The following ANKRD54 variants were observed in gnomAD, a reference collection of about 807,000 sequenced individuals.
ANKRD54 encodes ankyrin repeat domain 54, also known as ankyrin repeat domain-containing protein 54.
ANKRD54 carries 26 observed loss-of-function variants against 36.2 expected under a neutral mutation model. The ratio of observed to expected loss-of-function variants is 0.72; its 90% confidence interval spans 0.53 to 1.00. The LOEUF (loss-of-function observed/expected upper bound fraction) is 1.00, where lower values mean the gene tolerates loss of function less well. Among genes scored for constraint, ANKRD54 ranks in the 50% least tolerant of loss-of-function variants. The probability of loss-of-function intolerance (pLI) is 0.00; values close to 1 mark genes in which losing one functional copy is unlikely to be tolerated. For synonymous variants in ANKRD54, 209 were observed against 188.4 expected, an observed-to-expected ratio of 1.11 and a Z score of -0.89; for missense variants, 384 against 424.3, an observed-to-expected ratio of 0.91 and a Z score of 0.83.
upstream of ANKRD54, among the ~76,000 whole-genome samples, chr22:37,847,144 C>T (rs371157860): frequency 6.9e-4 from 102 of 148,562 alleles, no homozygotes; most frequent in African/African-American, 2.5e-3. Flanking sequence ...TGAGCCACCG[C>T]GCCCGGCCAA....
At chr22:37,838,396 C>T (rs1212680705) in intron 3 of ANKRD54, 104 bp downstream of exon 3, 1 of 1,131,158 alleles carries the variant, frequency 8.8e-7, no homozygotes, top group Non-Finnish European at 1.2e-6. Flanking sequence ...ATATCCAGAA[C>T]AACTGGGCAT....
rs532145481 is a variant in ANKRD54 at position 37,843,818 on chromosome 22, G to A, written c.328+93C>T. ...GTCGGGGGACCCCGGCTGAGGGTCG[G>A]GGGCGACCAAAGCGCGGCCACTGGT... On this transcript the variant is annotated intron_variant, in intron 1 of 7. Transcript: ENST00000215941. 3.0e-3 allele frequency: 2,926 copies of A among 969,018 alleles called. 3 individuals carry two copies. Among genetic ancestry groups the A allele is most frequent in the South Asian group, 3.6e-3 (70 of 19,482 alleles). 60.0% of individuals were successfully genotyped at this position (969,018 alleles called of 1,614,324 possible). A position where few individuals can be genotyped will look rare whatever the true frequency, so the allele number is the denominator to read the frequency against.
At chr22:37,841,942 T>C (rs1382915589) in intron 1 of ANKRD54, among the ~76,000 whole-genome samples, 1 of 151,120 alleles carries the variant, frequency 6.6e-6, no homozygotes, top group Non-Finnish European at 1.5e-5. Flanking sequence ...TGCATGCCTG[T>C]AATCCCAGCT....
chr22:37,834,390 A>G (rs758952111), intron 3 of ANKRD54: 1 of 152,300 alleles, frequency 6.6e-6, no homozygotes, highest in Admixed American at 6.5e-5. Flanking sequence ...GGTCACAAAA[A>G]TACTAACCAT....
chr22:37,848,005 G>A (rs1284348294), upstream of ANKRD54, among the ~76,000 whole-genome samples: 1 of 152,170 alleles, frequency 6.6e-6, no homozygotes. Context: ...GGATAACAGT[G>A]AGTGCAAAAT....
chr22:37,835,969 GA>G lies in ANKRD54; in HGVS notation c.476-2215del, dbSNP rs958283967. ...ATTCTCCTGCCTCAGCGAGTAGCTG[GA>G]ACTACAGGCACCCGCCACCACACCC... On this transcript the variant is annotated intron_variant, in intron 3 of 7. Transcript: ENST00000215941. 1.3e-4 allele frequency among the ~76,000 whole-genome samples: 20 copies of G among 151,910 alleles called. 1 individual carries two copies. Among genetic ancestry groups the G allele is most frequent in the African/African-American group, 4.3e-4 (18 of 41,386 alleles).
chr22:37,838,630 G>A (rs754582950), intron 2 of ANKRD54, 32 bp from the exon 3 acceptor site: 2 of 1,589,620 alleles, frequency 1.3e-6, no homozygotes, highest in Admixed American at 1.7e-5. Context: ...GAGGAAGGGG[G>A]AGAAAGCGGC....
chr22:37,841,114 G>C (rs933395483), intron 1 of ANKRD54, among the ~76,000 whole-genome samples: 2 of 150,012 alleles, frequency 1.3e-5, no homozygotes, highest in African/African-American at 4.9e-5. Flanking sequence ...CACAATGGCT[G>C]GGCGCAGTGG....
chr22:37,833,611 G>A, intron 4 of ANKRD54, 73 bp downstream of exon 4: 2 of 1,530,872 alleles, frequency 1.3e-6, no homozygotes, highest in Non-Finnish European at 1.8e-6. Flanking sequence ...AGCATGCCGG[G>A]CCCCACCCTC....
chr22:37,836,906 A>G (rs1923618807), intron 3 of ANKRD54, among the ~76,000 whole-genome samples: 1 of 151,618 alleles, frequency 6.6e-6, no homozygotes, highest in Admixed American at 6.6e-5. Flanking sequence ...ATGCGTGCCT[A>G]TAATCCCAGC....
At chr22:37,839,064 G>A (rs1317910956) in intron 2 of ANKRD54, among the ~76,000 whole-genome samples, 3 of 152,120 alleles carry the variant, frequency 2.0e-5, no homozygotes, top group South Asian at 4.1e-4. Flanking sequence ...TAGTAGAGAC[G>A]GGGTTTCACC....
At chr22:37,848,229 C>T (rs1924952188), upstream of ANKRD54, 1 of 152,186 alleles carries the variant, frequency 6.6e-6, no homozygotes, top group Non-Finnish European at 1.5e-5. Context: ...CCATCTCTAC[C>T]TTGAGGGTTT....
rs1922931711 is a variant in ANKRD54, at chr22:37,831,934, CCT to C, written c.*7_*8del. The C allele has an allele frequency of 6.2e-7, 1 of 1,612,690 alleles. No homozygotes were observed. The highest frequency in any genetic ancestry group is 8.5e-7 in the Non-Finnish European group (1 of 1,179,576). On this transcript the variant is annotated 3_prime_UTR_variant, in exon 8 of 8. Transcript: ENST00000215941. ...GGGGCAGTGGCAGGAAGGCAGGGAG[CCT>C]CTCTTGCTACCTCTTCTCCATGCTC...
chr22:37,841,536 A>C (rs1924242113), intron 1 of ANKRD54, among the ~76,000 whole-genome samples: 1 of 144,124 alleles, frequency 6.9e-6, no homozygotes, highest in African/African-American at 2.6e-5. Context: ...ACACAAACAC[A>C]CACACACACA....
In ANKRD54 at chr22:37,832,597, C is replaced by G. The variant is rs537749071; in HGVS notation, c.828+40G>C. The G allele has an allele frequency of 3.8e-5, 60 of 1,593,562 alleles. No individual in the cohort carries two copies. In the South Asian group the frequency reaches 6.5e-4, roughly 17 times the overall value. On this transcript the variant is annotated intron_variant, in intron 7 of 7. Transcript: ENST00000215941. ...AGCAGGGTGGACTGGCCCTGAGGCT[C>G]CTGCCAGGCCCTGGGTCTGGGCCTG...
intron 3 of ANKRD54, among the ~76,000 whole-genome samples, chr22:37,837,902 G>A (rs967401928): frequency 6.6e-6 from 1 of 152,184 alleles, no homozygotes; most frequent in African/African-American, 2.4e-5. Context: ...GGGAAGCCGA[G>A]GCGGGTGGAT....
Position 37,833,081 on chromosome 22 carries a change from C to G in ANKRD54, c.597G>C (p.Gly199=), listed in dbSNP as rs1923096301. 6 of 1,614,040 alleles carry G rather than the reference C, an allele frequency of 3.7e-6. No homozygotes were observed. In the East Asian group the frequency reaches 1.3e-4, roughly 36 times the overall value. The stretch of plus-strand genomic sequence containing the variant: ...CTCGGTCCAGGGCATCTACACGGGC[C>G]CCTGCAGGTACCAGCTGAGGTGAGC... ...VPVITTLLRG[G]ARVDALDRAG... The change falls in exon 6 of 8, where the codon GGG becomes GGC. Residue 199 remains glycine, a splice_region_variant and synonymous_variant. Transcript: ENST00000215941.
chr22:37,845,293 TTGG>T (rs1464798118), upstream of ANKRD54, among the ~76,000 whole-genome samples: 1 of 152,200 alleles, frequency 6.6e-6, no homozygotes, highest in Admixed American at 6.6e-5. Context: ...AGGATCAGAC[TTGG>T]TGCCCCTGAG....
chr22:37,848,552 C>G (rs1310546073), upstream of ANKRD54: 1 of 152,068 alleles, frequency 6.6e-6, no homozygotes, highest in Non-Finnish European at 1.5e-5. Context: ...GACGCTACCA[C>G]TCCCGGCTAA....
Sources: allele counts gnomAD v4.1 joint callset (sites outside exome capture counted in the v4.1 genomes callset), GRCh38; gene constraint gnomAD v4.1.1; transcripts MANE v1.5; gene names NCBI Gene and HGNC (gene_info 2026-07-23, HGNC 2026-07-21).